DNAH11: variants seen among roughly 807,000 people sequenced by gnomAD.
DNAH11 encodes the protein dynein axonemal heavy chain 11, also known as axonemal beta dynein heavy chain 11.
A neutral mutation model predicts 526.0 loss-of-function variants in DNAH11; 442 were observed. The observed-to-expected ratio is 0.84, with a 90% CI of 0.78 to 0.91. The LOEUF (loss-of-function observed/expected upper bound fraction) is 0.91, where lower values mean the gene tolerates loss of function less well. Ranked by LOEUF, DNAH11 falls within the 40% of genes least tolerant of loss-of-function variation. The pLI, the probability that DNAH11 is intolerant of heterozygous loss-of-function variation, is 0.00. For missense variants in DNAH11, 6,989 were observed against 5,448.7 expected (o/e 1.28, Z -8.90); for synonymous variants, 2,461 against 1,935.9 (o/e 1.27, Z -7.12).
intron 50 of DNAH11, 67 bp from the exon 51 acceptor site, chr7:21,744,803 A>G (rs779328181): frequency 9.8e-5 from 150 of 1,536,978 alleles, no homozygotes; most frequent in Non-Finnish European, 1.3e-4. Context: ...TTGCTAGGCC[A>G]TGCTGCCTGC....
intron 23 of DNAH11, among the ~76,000 whole-genome samples, chr7:21,618,032 G>C (rs1183031627): frequency 2.0e-5 from 3 of 152,142 alleles, no homozygotes; most frequent in African/African-American, 7.2e-5. Context: ...TGTCATCTGG[G>C]CTGGTGTCCA....
intron 62 of DNAH11, among the ~76,000 whole-genome samples, chr7:21,803,123 A>G (rs886565690): frequency 6.6e-6 from 1 of 152,126 alleles, no homozygotes; most frequent in Non-Finnish European, 1.5e-5. Context: ...TGTAACTAAA[A>G]AGTGTATAAT....
intron 36 of DNAH11, among the ~76,000 whole-genome samples, chr7:21,701,781 A>G (rs1784071571): frequency 1.3e-5 from 2 of 152,224 alleles, no homozygotes; most frequent in Non-Finnish European, 2.9e-5. Flanking sequence ...CTTTACTCCT[A>G]CAACCACTTA....
At chr7:21,728,094 C>T (rs1320825425) in intron 45 of DNAH11, among the ~76,000 whole-genome samples, 1 of 151,996 alleles carries the variant, frequency 6.6e-6, no homozygotes, top group Non-Finnish European at 1.5e-5. Context: ...CAGCCACATT[C>T]TGAGGTATGA....
At chr7:21,558,180 G>A (rs888408962) in intron 2 of DNAH11, among the ~76,000 whole-genome samples, 1 of 152,190 alleles carries the variant, frequency 6.6e-6, no homozygotes, top group Admixed American at 6.5e-5. Flanking sequence ...GTAGATACTT[G>A]AAGGGAAAGC....
At chr7:21,814,845 G>A (rs891696932) in intron 63 of DNAH11, among the ~76,000 whole-genome samples, 35 of 151,970 alleles carry the variant, frequency 2.3e-4, no homozygotes, top group Non-Finnish European at 4.9e-4. Context: ...ATGTGAAAAT[G>A]ATGCCTGTAT....
intron 55 of DNAH11, among the ~76,000 whole-genome samples, chr7:21,771,032 G>A (rs952135625): frequency 1.3e-5 from 2 of 152,200 alleles, no homozygotes; most frequent in African/African-American, 4.8e-5. Context: ...AATAGATTGT[G>A]TAGCACATCA....
At chr7:21,791,342 T>G (rs1307755921) in intron 61 of DNAH11, among the ~76,000 whole-genome samples, 1 of 152,220 alleles carries the variant, frequency 6.6e-6, no homozygotes, top group Non-Finnish European at 1.5e-5. Context: ...TCTCTCTGCA[T>G]TGGATGCACT....
chr7:21,655,041 G>T (rs906511589), intron 28 of DNAH11, among the ~76,000 whole-genome samples: 5 of 152,072 alleles, frequency 3.3e-5, no homozygotes, highest in Non-Finnish European at 5.9e-5. Context: ...TTTTGTCTTT[G>T]ATCTGATCTT....
Position 21,779,114 on chromosome 7 carries a change from A to C in DNAH11, c.9483+10A>C. On this transcript the variant is annotated intron_variant, in intron 57 of 81. Coordinates refer to ENST00000409508, the MANE Select transcript of DNAH11 (RefSeq NM_001277115.2). ...TGCTGAGGAGCGAAAGGTCAGGCTA[A>C]TTCCAACATTTAGAGTGCGGAGCTA... The C allele has an allele frequency of 6.2e-7, 1 of 1,609,160 alleles. No individual in the cohort carries two copies. Among genetic ancestry groups the C allele is most frequent in the Non-Finnish European group, 8.5e-7 (1 of 1,176,336 alleles).
intron 35 of DNAH11, among the ~76,000 whole-genome samples, chr7:21,695,830 GC>G (rs1783825267): frequency 6.6e-6 from 1 of 152,060 alleles, no homozygotes; most frequent in Non-Finnish European, 1.5e-5. Context: ...GAAAATTTTT[GC>G]AATCTATCCA....
chr7:21,828,241 G>A (rs531552107), intron 65 of DNAH11, among the ~76,000 whole-genome samples: 1 of 152,240 alleles, frequency 6.6e-6, no homozygotes, highest in Non-Finnish European at 1.5e-5. Flanking sequence ...GAGCCACCGC[G>A]CCTGGCCTAG....
intron 76 of DNAH11, among the ~76,000 whole-genome samples, chr7:21,888,905 A>C (rs973617433): frequency 6.6e-6 from 1 of 152,164 alleles, no homozygotes; most frequent in Admixed American, 6.5e-5. Context: ...TATAATTTGC[A>C]CACTGTAACA....
At chr7:21,888,161 A>G (rs766796041) in intron 76 of DNAH11, among the ~76,000 whole-genome samples, 6 of 152,190 alleles carry the variant, frequency 3.9e-5, no homozygotes, top group East Asian at 3.9e-4. Context: ...AAAATCACCA[A>G]TGTACCTTTT....
chr7:21,549,538 A>T (rs2128427022), intron 2 of DNAH11, among the ~76,000 whole-genome samples: 1 of 152,188 alleles, frequency 6.6e-6, no homozygotes, highest in Middle Eastern at 3.4e-3. Context: ...AAATTGCCCT[A>T]GGGGGGTTTT....
intron 79 of DNAH11, among the ~76,000 whole-genome samples, chr7:21,896,107 G>T (rs1010654794): frequency 6.6e-6 from 1 of 152,194 alleles, no homozygotes; most frequent in African/African-American, 2.4e-5. Context: ...GTCTGGAATT[G>T]TAGTTCCACC....
rs779670248 is a variant in DNAH11, at chr7:21,589,189, A to G, written c.1974-19A>G. On this transcript the variant is annotated intron_variant, in intron 11 of 81. Coordinates refer to ENST00000409508, the MANE Select transcript of DNAH11 (RefSeq NM_001277115.2). ...ATCTAATATACGTATAAACCAGTAG[A>G]AAAACCTTATTCCTACAGATTTTTG... 4 of 1,578,468 alleles carry G rather than the reference A, an allele frequency of 2.5e-6. No homozygotes were observed. Among genetic ancestry groups the G allele is most frequent in the South Asian group, 2.4e-5 (2 of 82,936 alleles).
At chr7:21,743,967 A>T (rs923929552) in intron 49 of DNAH11, among the ~76,000 whole-genome samples, 5 of 152,124 alleles carry the variant, frequency 3.3e-5, no homozygotes, top group Non-Finnish European at 7.4e-5. Flanking sequence ...GGGAGTCACA[A>T]TGTGTTGGTG....
intron 7 of DNAH11, 33 bp downstream of exon 7, chr7:21,570,332 G>T: frequency 6.5e-7 from 1 of 1,550,126 alleles, no homozygotes; most frequent in South Asian, 1.2e-5. Context: ...TATTCATGTT[G>T]AAGGTGGGTG....
Sources: gnomAD v4.1 joint callset for allele counts (sites outside exome capture counted in the v4.1 genomes callset) on GRCh38, gnomAD v4.1.1 for gene constraint, MANE v1.5 for transcripts, NCBI Gene and HGNC (gene_info 2026-07-23, HGNC 2026-07-21) for gene names.